Variants in RBFOX1 observed in about 807,000 individuals in gnomAD.
RBFOX1 encodes the protein RNA binding fox-1 homolog 1.
RBFOX1 carries 8 observed loss-of-function variants against 57.7 expected under a neutral mutation model. That is an observed-to-expected ratio of 0.14 (90% CI 0.08 to 0.25). RBFOX1 has a LOEUF of 0.25. Ranked by LOEUF, RBFOX1 falls within the 10% of genes least tolerant of loss-of-function variation. The pLI, the probability that RBFOX1 is intolerant of heterozygous loss-of-function variation, is 1.00. For missense variants in RBFOX1, 611 were observed against 548.5 expected, an observed-to-expected ratio of 1.11 and a Z score of -1.14; for synonymous variants, 326 against 222.4, an observed-to-expected ratio of 1.47 and a Z score of -4.15.
At chr16:6,839,436 A>C (rs2093335657) in intron 3 of RBFOX1, among the ~76,000 whole-genome samples, 1 of 152,202 alleles carries the variant, frequency 6.6e-6, no homozygotes, top group Non-Finnish European at 1.5e-5. Flanking sequence ...AAACACCCTG[A>C]AATTTAACAT....
intron 1 of RBFOX1, among the ~76,000 whole-genome samples, chr16:5,285,148 C>G (rs1243458041): frequency 6.6e-6 from 1 of 152,150 alleles, no homozygotes; most frequent in Non-Finnish European, 1.5e-5. Flanking sequence ...TTGCTTCACT[C>G]TTTTTTCTTT....
intron 3 of RBFOX1, among the ~76,000 whole-genome samples, chr16:6,753,299 A>C (rs1432149159): frequency 6.6e-6 from 1 of 152,226 alleles, no homozygotes; most frequent in Non-Finnish European, 1.5e-5. Flanking sequence ...TTGCTGTAAA[A>C]TTCTTTCAGC....
intron 4 of RBFOX1, among the ~76,000 whole-genome samples, chr16:7,054,213 CGG>C (rs71147642): frequency 0.057 from 1,007 of 17,820 alleles, 61 homozygotes; most frequent in East Asian, 0.23. Context: ...TTTTTTTTTT[CGG>C]GGGGGGGGGG....
At chr16:7,255,436 C>G (rs1172999243) in intron 4 of RBFOX1, among the ~76,000 whole-genome samples, 1 of 152,164 alleles carries the variant, frequency 6.6e-6, no homozygotes, top group Non-Finnish European at 1.5e-5. Flanking sequence ...GTTATATCCA[C>G]ATAATGCAAC....
At chr16:5,477,734 A>C (rs1286436283) in intron 2 of RBFOX1, among the ~76,000 whole-genome samples, 4 of 152,130 alleles carry the variant, frequency 2.6e-5, no homozygotes, top group African/African-American at 7.2e-5. Context: ...GTCAGGACGA[A>C]TTTCTGTTAT....
At chr16:7,120,418 C>A (rs1016988333) in intron 4 of RBFOX1, among the ~76,000 whole-genome samples, 25 of 152,048 alleles carry the variant, frequency 1.6e-4, no homozygotes, top group Non-Finnish European at 3.1e-4. Flanking sequence ...AGTGATGAAT[C>A]TATTCTAGCA....
At chr16:7,233,449 G>A (rs1268280925) in intron 4 of RBFOX1, among the ~76,000 whole-genome samples, 1 of 152,196 alleles carries the variant, frequency 6.6e-6, no homozygotes, top group African/African-American at 2.4e-5. Flanking sequence ...CATGAAGGCA[G>A]CTCTGCTGTT....
intron 2 of RBFOX1, among the ~76,000 whole-genome samples, chr16:6,549,890 C>G (rs190995125): frequency 1.3e-5 from 2 of 152,136 alleles, no homozygotes; most frequent in African/African-American, 2.4e-5. Flanking sequence ...TGGACCCTTA[C>G]GTACTTTGAC....
At chr16:6,873,728 G>A (rs17826283) in intron 3 of RBFOX1, among the ~76,000 whole-genome samples, 144 of 152,142 alleles carry the variant, frequency 9.5e-4, no homozygotes, top group Non-Finnish European at 1.5e-3. Flanking sequence ...TCTCATTGTC[G>A]TCATCACCAT....
intron 4 of RBFOX1, among the ~76,000 whole-genome samples, chr16:7,458,018 A>G (rs2058860582): frequency 1.3e-5 from 2 of 152,056 alleles, no homozygotes; most frequent in Non-Finnish European, 1.5e-5. Flanking sequence ...CTTGGTTGGT[A>G]TATTCAGCCT....
chr16:5,373,408 G>A (rs948035877), intron 1 of RBFOX1, among the ~76,000 whole-genome samples: 1 of 152,098 alleles, frequency 6.6e-6, no homozygotes, highest in Non-Finnish European at 1.5e-5. Context: ...CTCTTCTTGT[G>A]ATAATGAGTG....
intron 4 of RBFOX1, among the ~76,000 whole-genome samples, chr16:7,223,702 C>A (rs1434344972): frequency 8.0e-6 from 1 of 124,412 alleles, no homozygotes; most frequent in East Asian, 2.6e-4. Flanking sequence ...TATATGCCGT[C>A]AGTGTTTCAG....
At chr16:7,017,643 T>C (rs1380523027) in intron 3 of RBFOX1, among the ~76,000 whole-genome samples, 2 of 152,182 alleles carry the variant, frequency 1.3e-5, no homozygotes, top group East Asian at 1.9e-4. Context: ...AGTGTTGCTT[T>C]GTCTCATGGC....
chr16:5,570,501 G>C (rs1420427982), intron 2 of RBFOX1, among the ~76,000 whole-genome samples: 1 of 152,122 alleles, frequency 6.6e-6, no homozygotes, highest in Non-Finnish European at 1.5e-5. Flanking sequence ...TTAACAGCTG[G>C]TCAGGTCAGG....
chr16:6,013,479 G>A (rs2094974106), intron 4 of RBFOX1, among the ~76,000 whole-genome samples: 1 of 152,030 alleles, frequency 6.6e-6, no homozygotes, highest in Non-Finnish European at 1.5e-5. Flanking sequence ...TCATGATCAT[G>A]AATCATTGAC....
chr16:7,021,617 A>G (rs908532050), intron 3 of RBFOX1, among the ~76,000 whole-genome samples: 4 of 146,796 alleles, frequency 2.7e-5, no homozygotes, highest in African/African-American at 7.4e-5. Context: ...ATAAAATATA[A>G]TATTTTATAA....
chr16:7,273,237 C>CCTTCCTTCCTTA lies in RBFOX1; in HGVS notation c.27+221150_27+221151insACTTCCTTCCTT, dbSNP rs1555652817. ...TCCTTCCTTCCTTCCTTCCTTCCTT[C>CCTTCCTTCCTTA]CTTCCTTCCTTCCTTCCTTCCTTCC... On this transcript the variant is annotated intron_variant, in intron 4 of 15. Transcript: ENST00000550418. 5.3e-4 allele frequency among the ~76,000 whole-genome samples: 75 copies of CCTTCCTTCCTTA among 140,846 alleles called. 3 individuals carry two copies. The highest frequency in any genetic ancestry group is 9.6e-4 in the Non-Finnish European group (62 of 64,830). The allele number at this position is 140,846 out of a possible 152,430, so 92.4% of individuals were successfully genotyped here. A position where few individuals can be genotyped will look rare whatever the true frequency, so the allele number is the denominator to read the frequency against.
At chr16:7,297,724 T>C (rs1340563273) in intron 4 of RBFOX1, among the ~76,000 whole-genome samples, 2 of 152,160 alleles carry the variant, frequency 1.3e-5, no homozygotes, top group Non-Finnish European at 2.9e-5. Context: ...ATGATGATAA[T>C]ATAACTGTTT....
chr16:5,969,324 G>GTTTTT (rs2059915067), intron 4 of RBFOX1, among the ~76,000 whole-genome samples: 1 of 49,832 alleles, frequency 2.0e-5, no homozygotes. Flanking sequence ...TTTTTTTTTT[G>GTTTTT]GTTTGGAAAT....
Sources: allele counts gnomAD v4.1 joint callset (sites outside exome capture counted in the v4.1 genomes callset), GRCh38; gene constraint gnomAD v4.1.1; transcripts MANE v1.5; gene names NCBI Gene and HGNC (gene_info 2026-07-23, HGNC 2026-07-21).